Variants in TMPRSS15 observed in about 807,000 individuals in gnomAD.
TMPRSS15 encodes the protein transmembrane serine protease 15.
In TMPRSS15, 128 loss-of-function variants were observed where a neutral mutation model predicts 125.3. The observed-to-expected ratio is 1.02, with a 90% confidence interval of 0.89 to 1.18. The LOEUF is 1.18. Ranked by LOEUF, TMPRSS15 falls within the 50% of genes most tolerant of loss-of-function variation. The pLI, the probability that TMPRSS15 is intolerant of heterozygous loss-of-function variation, is 0.00. For synonymous variants in TMPRSS15, 446 were observed against 423.2 expected (o/e 1.05, Z -0.66); for missense variants, 1,283 against 1,212.7 (o/e 1.06, Z -0.86).
chr21:18,353,631 T>C, intron 9 of TMPRSS15, 92 bp downstream of exon 9: 3 of 1,159,316 alleles, frequency 2.6e-6, no homozygotes, highest in Non-Finnish European at 2.5e-6. Context: ...TAAAATTACA[T>C]CATGAAAATT....
intron 7 of TMPRSS15, among the ~76,000 whole-genome samples, chr21:18,361,254 G>A (rs1366861096): frequency 1.3e-5 from 2 of 152,084 alleles, no homozygotes; most frequent in Non-Finnish European, 2.9e-5. Flanking sequence ...GTTATAATCA[G>A]AAATGTAAAT....
At chr21:18,394,026 C>T (rs1266478943) in intron 3 of TMPRSS15, among the ~76,000 whole-genome samples, 1 of 152,140 alleles carries the variant, frequency 6.6e-6, no homozygotes, top group East Asian at 1.9e-4. Context: ...GAATGGATGA[C>T]TACCTGAACA....
chr21:18,367,581 G>A (rs1373095052), intron 6 of TMPRSS15, among the ~76,000 whole-genome samples: 1 of 152,136 alleles, frequency 6.6e-6, no homozygotes, highest in African/African-American at 2.4e-5. Flanking sequence ...CTCAAAGATT[G>A]TAGACAGTGT....
chr21:18,338,006 G>C (rs1296651700), intron 13 of TMPRSS15, among the ~76,000 whole-genome samples: 1 of 152,064 alleles, frequency 6.6e-6, no homozygotes, highest in East Asian at 1.9e-4. Flanking sequence ...AATCAGATGG[G>C]TTATTCTTTC....
rs535061082 is a variant in TMPRSS15, at chr21:18,347,480, G to A, written c.1172-3420C>T. Among the ~76,000 whole-genome samples, 627 of 152,080 alleles carry A rather than the reference G, an allele frequency of 4.1e-3. 4 individuals are homozygous for A. Among genetic ancestry groups the A allele is most frequent in the African/African-American group, 0.015 (602 of 41,492 alleles). ...TCAAACTCCTGATCTCAGGTGATCC[G>A]CCTGCCTTGGATGTGTTGGGATTAC... On this transcript the variant is annotated intron_variant, in intron 10 of 24. Transcript: ENST00000284885.
At position 18,425,435 on chromosome 21, in the gene TMPRSS15, A is replaced by T. The variant is rs2076200625; in HGVS notation, c.11-27106T>A. ...TAATATCAATAATTAATAATAACCC[A>T]GGAGATTAGTGAAAAGAAGTTTCCC... On this transcript the variant is annotated intron_variant, in intron 1 of 7. Coordinates refer to the TMPRSS15 transcript ENST00000422787. Among the ~76,000 whole-genome samples the T allele has an allele frequency of 3.9e-5, 6 of 152,240 alleles. No homozygotes were observed. The South Asian group carries it at 1.2e-3, about 32-fold the overall frequency.
chr21:18,272,611 GC>G (rs1295567923), intron 24 of TMPRSS15, among the ~76,000 whole-genome samples: 1 of 152,108 alleles, frequency 6.6e-6, no homozygotes, highest in Non-Finnish European at 1.5e-5. Context: ...TGTAATCCCA[GC>G]TACTCGGGAG....
chr21:18,462,546 AT>A (rs144099526), intron 1 of TMPRSS15, among the ~76,000 whole-genome samples: 1,875 of 152,260 alleles, frequency 0.012, 41 homozygotes, highest in African/African-American at 0.043. Context: ...TTTGAATAAC[AT>A]TGTTAAAATA....
intron 1 of TMPRSS15, among the ~76,000 whole-genome samples, chr21:18,472,661 G>A (rs774689250): frequency 3.0e-4 from 46 of 151,840 alleles, no homozygotes; most frequent in Non-Finnish European, 4.3e-4. Context: ...GGCTATGACA[G>A]AGAGCAGAAT....
At chr21:18,333,981 ATT>A (rs558101517) in intron 13 of TMPRSS15, among the ~76,000 whole-genome samples, 147 of 152,282 alleles carry the variant, frequency 9.7e-4, no homozygotes, top group African/African-American at 3.2e-3. Context: ...GAATAAATAT[ATT>A]CTTTTCTATT....
intron 1 of TMPRSS15, among the ~76,000 whole-genome samples, chr21:18,433,282 A>G (rs900328805): frequency 6.6e-6 from 1 of 152,152 alleles, no homozygotes; most frequent in African/African-American, 2.4e-5. Flanking sequence ...CAGGAACAGC[A>G]AATTAAAACC....
intron 15 of TMPRSS15, 89 bp downstream of exon 15, chr21:18,329,080 G>T: frequency 5.4e-6 from 8 of 1,487,262 alleles, no homozygotes; most frequent in East Asian, 2.3e-5. Context: ...AGTTGTAAAA[G>T]AGTGATTACA....
Position 18,329,350 on chromosome 21 carries a change from A to T in TMPRSS15, c.1655-56T>A, listed in dbSNP as rs2075322611. 14 of 1,555,858 alleles carry T rather than the reference A, an allele frequency of 9.0e-6. No homozygotes were observed. In the South Asian group the frequency reaches 1.3e-4, roughly 14 times the overall value. On this transcript the variant is annotated intron_variant, in intron 14 of 24. Coordinates refer to ENST00000284885, the MANE Select transcript of TMPRSS15 (RefSeq NM_002772.3). Reference sequence around the variant, plus strand: ...AACACACTTGGTGATTTCTCTTAAAAGCTTCACTCTCTTGAGAATTTCAAA... The same window carrying T: ...AACACACTTGGTGATTTCTCTTAAATGCTTCACTCTCTTGAGAATTTCAAA...
At chr21:18,331,115 A>T (rs2075341503) in intron 14 of TMPRSS15, among the ~76,000 whole-genome samples, 1 of 151,750 alleles carries the variant, frequency 6.6e-6, no homozygotes, top group Non-Finnish European at 1.5e-5. Flanking sequence ...TGAAGCAGAG[A>T]TAACTCTGTT....
intron 1 of TMPRSS15, among the ~76,000 whole-genome samples, chr21:18,401,869 T>C (rs2076097515): frequency 6.6e-6 from 1 of 152,222 alleles, no homozygotes; most frequent in African/African-American, 2.4e-5. Flanking sequence ...TATTTTCTCT[T>C]TCACTTGTAA....
At chr21:18,311,458 C>T (rs2075100610) in intron 18 of TMPRSS15, among the ~76,000 whole-genome samples, 1 of 152,062 alleles carries the variant, frequency 6.6e-6, no homozygotes, top group African/African-American at 2.4e-5. Flanking sequence ...CAAAAAAAGA[C>T]ATACAAATAG....
upstream of TMPRSS15, among the ~76,000 whole-genome samples, chr21:18,408,302 A>G (rs961589318): frequency 6.6e-6 from 1 of 152,214 alleles, no homozygotes; most frequent in African/African-American, 2.4e-5. Flanking sequence ...TTCACTGTTC[A>G]ACACAAGATG....
At position 18,278,197 on chromosome 21, in the gene TMPRSS15, G is replaced by A. The variant is rs190615685; in HGVS notation, c.2764+767C>T. ...AAATAAAGATAGTTTTATTAGTTTG[G>A]AAAATGTGACAGGTAATAATTTGGC... On this transcript the variant is annotated intron_variant, in intron 23 of 24. Transcript: ENST00000284885. Among the ~76,000 whole-genome samples the A allele has an allele frequency of 5.7e-3, 864 of 152,190 alleles. 4 individuals are homozygous for A. The highest frequency in any genetic ancestry group is 8.8e-3 in the Non-Finnish European group (601 of 68,012).
At position 18,434,001 on chromosome 21, in the gene TMPRSS15, C is replaced by G. The variant is rs62215024; in HGVS notation, c.11-35672G>C. Among the ~76,000 whole-genome samples, 235 of 152,262 alleles carry G rather than the reference C, an allele frequency of 1.5e-3. 3 individuals carry two copies. Among genetic ancestry groups the G allele is most frequent in the Non-Finnish European group, 1.9e-3 (131 of 68,018 alleles). On this transcript the variant is annotated intron_variant, in intron 1 of 7. Transcript: ENST00000422787. ...TGTTGCCAATTTGGCAGGTCCAATA[C>G]AGGGGTAAGGAGCTCTTTCACATGG... is the stretch of plus-strand genomic sequence containing the variant.
Sources: allele counts gnomAD v4.1 joint callset (sites outside exome capture counted in the v4.1 genomes callset), GRCh38; gene constraint gnomAD v4.1.1; transcripts MANE v1.5; gene names NCBI Gene and HGNC (gene_info 2026-07-23, HGNC 2026-07-21).